Variants in CHRM3 observed in about 807,000 individuals in gnomAD.
CHRM3 encodes the protein cholinergic receptor muscarinic 3, also known as muscarinic acetylcholine receptor M3.
Under a neutral mutation model 41.8 loss-of-function variants are expected in CHRM3, and 11 were observed. That is an observed-to-expected ratio of 0.26 (90% CI 0.17 to 0.44). CHRM3 has a LOEUF of 0.44. Among genes scored for constraint, CHRM3 ranks in the 20% least tolerant of loss-of-function variants. The probability of loss-of-function intolerance (pLI) is 1.00; values close to 1 mark genes in which losing one functional copy is unlikely to be tolerated. For synonymous variants in CHRM3, 297 were observed against 301.4 expected, an observed-to-expected ratio of 0.99 and a Z score of 0.15; for missense variants, 571 against 745.4, an observed-to-expected ratio of 0.77 and a Z score of 2.72.
At chr1:239,789,253 C>T (rs1315254929) in intron 5 of CHRM3, among the ~76,000 whole-genome samples, 1 of 152,080 alleles carries the variant, frequency 6.6e-6, no homozygotes, top group African/African-American at 2.4e-5. Flanking sequence ...TGCCTAATTA[C>T]AAAGGAGACT....
At chr1:239,487,323 T>C (rs866700384) in intron 1 of CHRM3, among the ~76,000 whole-genome samples, 1 of 152,306 alleles carries the variant, frequency 6.6e-6, no homozygotes, top group Middle Eastern at 3.4e-3. Flanking sequence ...TAGTCTTCAG[T>C]AAACCAGAAA....
intron 5 of CHRM3, among the ~76,000 whole-genome samples, chr1:239,783,036 TG>T (rs57648246): frequency 0.049 from 7,459 of 152,090 alleles, 598 homozygotes; most frequent in African/African-American, 0.17. Flanking sequence ...TGGTCTATTT[TG>T]GTGAATGCTT....
intron 2 of CHRM3, among the ~76,000 whole-genome samples, chr1:239,540,513 G>A (rs1261800441): frequency 1.3e-5 from 2 of 152,164 alleles, no homozygotes; most frequent in African/African-American, 4.8e-5. Context: ...GATTTCAAAT[G>A]TGGAGAAAGT....
chr1:239,760,445 G>A (rs1260278187), intron 5 of CHRM3, among the ~76,000 whole-genome samples: 2 of 151,986 alleles, frequency 1.3e-5, no homozygotes, highest in East Asian at 1.9e-4. Flanking sequence ...CCACTAACCT[G>A]TCTTTTCACC....
chr1:239,774,847 A>G (rs1474207624), intron 5 of CHRM3, among the ~76,000 whole-genome samples: 1 of 152,208 alleles, frequency 6.6e-6, no homozygotes, highest in African/African-American at 2.4e-5. Context: ...ATGTTTTCTA[A>G]CAGCTACTCT....
At chr1:239,489,127 T>G (rs925255087) in intron 1 of CHRM3, among the ~76,000 whole-genome samples, 1 of 152,032 alleles carries the variant, frequency 6.6e-6, no homozygotes. Context: ...AAGAAAAAAT[T>G]TGGGGGCCAG....
rs1305861536 is a variant in CHRM3 at position 239,421,974 on chromosome 1, A to G, written c.-521+34747A>G. The stretch of plus-strand genomic sequence containing the variant: ...AATAATTGTAAGGCTCTCAGATGCA[A>G]TTATGCTCTTTAGATGATGTCACCA... On this transcript the variant is annotated intron_variant, in intron 1 of 6. Transcript: ENST00000676153. Among the ~76,000 whole-genome samples, 3 of 152,172 alleles carry G rather than the reference A, an allele frequency of 2.0e-5. No homozygotes were observed. The East Asian group carries it at 5.8e-4, about 29-fold the overall frequency.
intron 3 of CHRM3, among the ~76,000 whole-genome samples, chr1:239,558,728 G>A (rs1660605501): frequency 6.6e-6 from 1 of 152,094 alleles, no homozygotes; most frequent in Non-Finnish European, 1.5e-5. Context: ...CTCTCTACCT[G>A]GAAACTGTCT....
At chr1:239,767,213 G>C (rs1015333312) in intron 5 of CHRM3, among the ~76,000 whole-genome samples, 1 of 152,086 alleles carries the variant, frequency 6.6e-6, no homozygotes, top group Non-Finnish European at 1.5e-5. Context: ...TAAGTAAATG[G>C]ATACTGTTTA....
intron 3 of CHRM3, among the ~76,000 whole-genome samples, chr1:239,562,164 C>T (rs1043876431): frequency 1.3e-5 from 2 of 152,186 alleles, no homozygotes; most frequent in African/African-American, 4.8e-5. Context: ...ACAATCATTT[C>T]TGATCAGTCC....
At chr1:239,512,878 C>T (rs1223405439) in intron 2 of CHRM3, among the ~76,000 whole-genome samples, 1 of 151,846 alleles carries the variant, frequency 6.6e-6, no homozygotes, top group East Asian at 1.9e-4. Flanking sequence ...CCCAGGTTAT[C>T]TGTGGGTTTT....
chr1:239,518,183 A>T (rs903246345), intron 2 of CHRM3, among the ~76,000 whole-genome samples: 3 of 152,240 alleles, frequency 2.0e-5, no homozygotes, highest in Admixed American at 6.5e-5. Context: ...AAAGAGCACG[A>T]GGAAAGACTA....
chr1:239,781,857 C>T (rs534615), intron 5 of CHRM3, among the ~76,000 whole-genome samples: 128,199 of 151,958 alleles, frequency 0.84, 54,237 homozygotes, highest in East Asian at 0.87. Context: ...CCTATTTCTG[C>T]ATTTATTGAT....
chr1:239,710,139 T>C (rs1310791340), intron 5 of CHRM3, among the ~76,000 whole-genome samples: 2 of 152,164 alleles, frequency 1.3e-5, no homozygotes, highest in Non-Finnish European at 2.9e-5. Context: ...AACAATTAAA[T>C]AGCCAATTAA....
intron 3 of CHRM3, among the ~76,000 whole-genome samples, chr1:239,611,160 A>G (rs1167104189): frequency 6.6e-6 from 1 of 152,208 alleles, no homozygotes; most frequent in Non-Finnish European, 1.5e-5. Context: ...GTACAAATAA[A>G]TAAATAAATT....
intron 5 of CHRM3, among the ~76,000 whole-genome samples, chr1:239,739,466 T>C (rs565796896): frequency 6.6e-6 from 1 of 152,294 alleles, no homozygotes; most frequent in South Asian, 2.1e-4. Flanking sequence ...CTAAATCACA[T>C]TCATTTTCAG....
rs1665534384 is a variant in CHRM3 at position 239,748,234 on chromosome 1, T to A, written c.-147+69946T>A. On this transcript the variant is annotated intron_variant, in intron 5 of 6. Transcript: ENST00000676153. The surrounding 1 kb of genome is among the most constrained non-coding windows in gnomAD (Gnocchi z 4.3). ...CTGCACTAATTGAAGATGTATTGTA[T>A]ATCGTTAAATAACTGCTTTTTATCA... is the stretch of plus-strand genomic sequence containing the variant. 6.6e-6 allele frequency among the ~76,000 whole-genome samples: 1 copy of A among 152,240 alleles called. No homozygotes were observed. Among genetic ancestry groups the A allele is most frequent in the Non-Finnish European group, 1.5e-5 (1 of 68,042 alleles).
At chr1:239,633,900 G>C (rs774024671) in intron 4 of CHRM3, among the ~76,000 whole-genome samples, 1 of 152,322 alleles carries the variant, frequency 6.6e-6, no homozygotes, top group Non-Finnish European at 1.5e-5. Context: ...GCCAAATGTA[G>C]ACTTAGCTGA....
At chr1:239,668,065 T>A (rs1274816414) in intron 4 of CHRM3, among the ~76,000 whole-genome samples, 2 of 151,564 alleles carry the variant, frequency 1.3e-5, no homozygotes, top group African/African-American at 4.8e-5. Flanking sequence ...AAATACACTT[T>A]TTCTTTTCTT....
Sources: allele counts gnomAD v4.1 joint callset (sites outside exome capture counted in the v4.1 genomes callset), GRCh38; gene constraint gnomAD v4.1.1; non-coding constraint Gnocchi (gnomAD v3.1); transcripts MANE v1.5; gene names NCBI Gene and HGNC (gene_info 2026-07-23, HGNC 2026-07-21).